The following ARHGAP10 variants were observed in gnomAD, a reference collection of about 807,000 sequenced individuals.
ARHGAP10 encodes the protein Rho GTPase activating protein 10.
A neutral mutation model predicts 108.6 loss-of-function variants in ARHGAP10; 87 were observed. The ratio of observed to expected loss-of-function variants is 0.80; its 90% confidence interval spans 0.67 to 0.96. The LOEUF (loss-of-function observed/expected upper bound fraction) is 0.96. ARHGAP10 is among the 40% of genes least tolerant of loss of function. The probability of loss-of-function intolerance (pLI) is 0.00; values close to 1 mark genes in which losing one functional copy is unlikely to be tolerated. For missense variants in ARHGAP10, 939 were observed against 954.5 expected, an observed-to-expected ratio of 0.98 and a Z score of 0.21; for synonymous variants, 347 against 341.1, an observed-to-expected ratio of 1.02 and a Z score of -0.19.
At chr4:147,783,115 T>TTA (rs1463587126) in intron 1 of ARHGAP10, among the ~76,000 whole-genome samples, 1 of 143,046 alleles carries the variant, frequency 7.0e-6, no homozygotes, top group Admixed American at 7.3e-5. Context: ...ATATGTTAAA[T>TTA]TATATATTAT....
chr4:147,744,202 T>C (rs1187913775), intron 1 of ARHGAP10, among the ~76,000 whole-genome samples: 1 of 152,138 alleles, frequency 6.6e-6, no homozygotes, highest in Non-Finnish European at 1.5e-5. Context: ...AAAATAAAAC[T>C]TCTAGGCTGA....
intron 12 of ARHGAP10, among the ~76,000 whole-genome samples, chr4:147,911,993 ACGTGTGTGTGTGTGTGTG>A (rs1414457913): frequency 1.8e-5 from 2 of 108,640 alleles, no homozygotes; most frequent in African/African-American, 8.6e-5. Context: ...AAGAACATTC[ACGTGTGTGTGTGTGTGTG>A]TGTGTGTGTG....
intron 1 of ARHGAP10, among the ~76,000 whole-genome samples, chr4:147,754,620 A>AT (rs554961190): frequency 0.031 from 4,645 of 148,084 alleles, 94 homozygotes; most frequent in Middle Eastern, 0.08. Flanking sequence ...ATTGTATTCA[A>AT]TTTTTTTTTT....
intron 13 of ARHGAP10, 59 bp from the exon 14 acceptor site, chr4:147,939,766 T>C: frequency 1.4e-6 from 2 of 1,438,356 alleles, no homozygotes; most frequent in South Asian, 1.1e-5. Flanking sequence ...TGCAACTGTT[T>C]GATGGCTTTT....
intron 1 of ARHGAP10, among the ~76,000 whole-genome samples, chr4:147,769,009 A>G (rs544956763): frequency 1.3e-5 from 2 of 152,266 alleles, no homozygotes; most frequent in African/African-American, 4.8e-5. Flanking sequence ...AAGTGCTGGG[A>G]TTACAGGTGT....
rs1729703308 is a variant in ARHGAP10 at position 148,063,249 on chromosome 4, C to T, written c.2129C>T (p.Ser710Phe). 6.2e-7 allele frequency: 1 copy of T among 1,614,190 alleles called. No homozygotes were observed. Among genetic ancestry groups the T allele is most frequent in the African/African-American group, 1.3e-5 (1 of 75,044 alleles). ...GTGACACCTCTTTCACCCGGGTCGT[C>T]CCCTTTCCCCTTTTCTCCTCCTGCT... ...SAVTPLSPGS[S>F]PFPFSPPATV... is the part of the protein sequence containing the mutation. Residue 710 changes from serine to phenylalanine, a missense_variant, in exon 21 of 23, where the codon TCC becomes TTC. Ser to Phe is a radical substitution (Grantham distance 155). Coordinates refer to ENST00000336498, the MANE Select transcript of ARHGAP10 (RefSeq NM_024605.4).
intron 10 of ARHGAP10, among the ~76,000 whole-genome samples, chr4:147,892,956 A>G (rs1176803000): frequency 1.3e-5 from 2 of 152,212 alleles, no homozygotes; most frequent in African/African-American, 4.8e-5. Context: ...GCAACAAAAC[A>G]TCATCTGCTC....
chr4:147,760,992 A>C (rs1328836726), intron 1 of ARHGAP10, among the ~76,000 whole-genome samples: 2 of 151,550 alleles, frequency 1.3e-5, no homozygotes, highest in East Asian at 3.9e-4. Context: ...AAAAAGAGGC[A>C]GTTTATTTTG....
intron 1 of ARHGAP10, among the ~76,000 whole-genome samples, chr4:147,779,728 A>G (rs1005044703): frequency 2.0e-5 from 3 of 152,218 alleles, no homozygotes; most frequent in African/African-American, 7.2e-5. Context: ...TTTTCTTCCA[A>G]AGATGATTGC....
chr4:147,929,859 ATGTT>A (rs1560831282), intron 13 of ARHGAP10, among the ~76,000 whole-genome samples: 1 of 152,198 alleles, frequency 6.6e-6, no homozygotes, highest in African/African-American at 2.4e-5. Context: ...GCATAAAAGC[ATGTT>A]TGTTTGTTGT....
At chr4:148,010,750 GA>G (rs1741138569) in intron 18 of ARHGAP10, among the ~76,000 whole-genome samples, 1 of 152,132 alleles carries the variant, frequency 6.6e-6, no homozygotes, top group East Asian at 1.9e-4. Flanking sequence ...GAATTTGTTA[GA>G]ATTGAAGACT....
chr4:147,753,206 G>A (rs1729232157), intron 1 of ARHGAP10, among the ~76,000 whole-genome samples: 1 of 152,160 alleles, frequency 6.6e-6, no homozygotes, highest in African/African-American at 2.4e-5. Flanking sequence ...TGTTGGAGCT[G>A]GAAGGAATGT....
chr4:147,813,359 C>T (rs1444810898), intron 1 of ARHGAP10, among the ~76,000 whole-genome samples: 1 of 152,212 alleles, frequency 6.6e-6, no homozygotes, highest in Non-Finnish European at 1.5e-5. Context: ...CCCTCTTCTC[C>T]TTTTCCTGGG....
intron 1 of ARHGAP10, among the ~76,000 whole-genome samples, chr4:147,779,945 C>T (rs190664734): frequency 2.0e-5 from 3 of 152,222 alleles, no homozygotes; most frequent in Admixed American, 6.5e-5. Flanking sequence ...ATAGTCTTGC[C>T]CGAGTATGAG....
At chr4:147,851,621 T>C (rs112619394) in intron 4 of ARHGAP10, among the ~76,000 whole-genome samples, 3 of 152,224 alleles carry the variant, frequency 2.0e-5, no homozygotes, top group Non-Finnish European at 2.9e-5. Context: ...TTGTATTTAA[T>C]AGAGCAGAAA....
At chr4:147,857,743 C>A in intron 5 of ARHGAP10, 89 bp downstream of exon 5, 1 of 1,144,874 alleles carries the variant, frequency 8.7e-7, no homozygotes, top group Non-Finnish European at 1.1e-6. Flanking sequence ...GATAACTTTT[C>A]ATCTGGCATT....
At position 148,002,795 on chromosome 4, in the gene ARHGAP10, C is replaced by A. The variant is rs974303867; in HGVS notation, c.1717-20468C>A. 9.3e-4 allele frequency among the ~76,000 whole-genome samples: 142 copies of A among 152,160 alleles called. 1 individual carries two copies. The highest frequency in any genetic ancestry group is 3.3e-3 in the African/African-American group (137 of 41,516). On this transcript the variant is annotated intron_variant, in intron 18 of 22. Transcript: ENST00000336498. ...CATTTTTTATTGCATCTATTTGATT[C>A]TTTTCTCTTTTCTTCTTTATTAGTC...
intron 5 of ARHGAP10, chr4:147,860,913 G>A (rs6852320): frequency 0.9 from 137,364 of 152,282 alleles, 63,369 homozygotes; most frequent in Non-Finnish European, 1. Context: ...AAATCATTTT[G>A]TGACCCTAGT....
intron 18 of ARHGAP10, among the ~76,000 whole-genome samples, chr4:148,003,894 G>GGCC (rs1553970218): frequency 8.2e-6 from 1 of 121,750 alleles, no homozygotes; most frequent in African/African-American, 4.1e-5. Context: ...TTATCTGAGT[G>GGCC]TAAGCCTAAA....
Sources: allele counts gnomAD v4.1 joint callset (sites outside exome capture counted in the v4.1 genomes callset), GRCh38; gene constraint gnomAD v4.1.1; transcripts MANE v1.5; gene names NCBI Gene and HGNC (gene_info 2026-07-23, HGNC 2026-07-21).